The following ELF1 variants were observed in gnomAD, a reference collection of about 807,000 sequenced individuals.
ELF1 encodes the protein E74 like ETS transcription factor 1, also known as ETS-related transcription factor Elf-1.
A neutral mutation model predicts 59.9 loss-of-function variants in ELF1; 24 were observed. The ratio of observed to expected loss-of-function variants is 0.40; its 90% confidence interval spans 0.29 to 0.56. The LOEUF is 0.56. Ranked by LOEUF, ELF1 falls within the 20% of genes least tolerant of loss-of-function variation. The pLI, the probability that ELF1 is intolerant of heterozygous loss-of-function variation, is 0.44. For synonymous variants in ELF1, 248 were observed against 266.2 expected (o/e 0.93, Z 0.67); for missense variants, 627 against 742.2 (o/e 0.84, Z 1.80).
At chr13:41,044,660 G>A (rs1192453869) in intron 1 of ELF1, among the ~76,000 whole-genome samples, 1 of 152,172 alleles carries the variant, frequency 6.6e-6, no homozygotes, top group African/African-American at 2.4e-5. Flanking sequence ...GATCATGGTG[G>A]ATAAGCTTTT....
chr13:41,003,175 A>G (rs762599905), intron 1 of ELF1, among the ~76,000 whole-genome samples: 1 of 152,198 alleles, frequency 6.6e-6, no homozygotes, highest in Non-Finnish European at 1.5e-5. Flanking sequence ...AGTGACGTAC[A>G]TATATGTATT....
chr13:40,982,924 A>C, intron 1 of ELF1: 7 of 968,100 alleles, frequency 7.2e-6, no homozygotes, highest in Non-Finnish European at 8.6e-6. Context: ...TCTCTAGTAT[A>C]GGCTTGCAAG....
intron 2 of ELF1, among the ~76,000 whole-genome samples, chr13:40,966,913 T>G (rs1275419325): frequency 1.3e-5 from 2 of 152,238 alleles, no homozygotes; most frequent in African/African-American, 4.8e-5. Flanking sequence ...GAGCACACCT[T>G]CGAGTAGTTC....
chr13:41,004,824 C>T (rs1346108733), intron 1 of ELF1, among the ~76,000 whole-genome samples: 1 of 152,050 alleles, frequency 6.6e-6, no homozygotes, highest in Non-Finnish European at 1.5e-5. Flanking sequence ...ATATATGTTC[C>T]TATTAGGTGC....
At chr13:41,010,539 T>TAGC (rs1875003200) in intron 1 of ELF1, among the ~76,000 whole-genome samples, 1 of 149,118 alleles carries the variant, frequency 6.7e-6, no homozygotes, top group Non-Finnish European at 1.5e-5. Flanking sequence ...AGATCACATG[T>TAGC]AGCACATCGA....
At position 41,036,464 on chromosome 13, in the gene ELF1, A is replaced by C. The variant is rs1264527374; in HGVS notation, c.-229+24374T>G. 2.6e-5 allele frequency among the ~76,000 whole-genome samples: 4 copies of C among 152,142 alleles called. No homozygotes were observed. In the East Asian group the frequency reaches 7.7e-4, roughly 29 times the overall value. ...TCATTGACACAAATGACACTTTAAA[A>C]CTTAAAAGTGGAGAAATAGGAACAC... On this transcript the variant is annotated intron_variant, in intron 1 of 1. Transcript: ENST00000405737.
Position 40,951,361 on chromosome 13 carries a change from G to A in ELF1, c.329C>T (p.Ser110Phe). Residue 110 changes from serine (S) to phenylalanine (F), a missense_variant, in exon 4 of 9, where the codon TCC (serine) becomes TTC (phenylalanine). Physicochemically the swap from Ser to Phe is radical, Grantham distance 155. This residue lies in a region of ELF1 where 232 missense variants were observed against 269.2 expected (regional missense o/e 0.86). Coordinates refer to ENST00000239882, the MANE Select transcript of ELF1 (RefSeq NM_172373.4). ...EAAEALLNMD[S>F]PGPMLDEKRI... ...TTTTTCATCCAGCATAGGGCCAGGG[G>A]AATCCATATTGAGGAGTGCCTCAGC... 6.2e-7 allele frequency: 1 copy of A among 1,613,228 alleles called. No individual in the cohort carries two copies. Among genetic ancestry groups the A allele is most frequent in the South Asian group, 1.1e-5 (1 of 90,996 alleles).
intron 1 of ELF1, among the ~76,000 whole-genome samples, chr13:40,994,816 T>C (rs1385119524): frequency 6.6e-6 from 1 of 152,220 alleles, no homozygotes; most frequent in African/African-American, 2.4e-5. Context: ...AAGTAAACTG[T>C]TTCATTTCTG....
At chr13:40,980,621 A>G (rs1873202618) in intron 2 of ELF1, among the ~76,000 whole-genome samples, 1 of 152,152 alleles carries the variant, frequency 6.6e-6, no homozygotes, top group Admixed American at 6.6e-5. Context: ...AGAGCATATT[A>G]GTGAGTGGCT....
At chr13:40,973,710 A>G (rs549985685) in intron 2 of ELF1, among the ~76,000 whole-genome samples, 2 of 152,046 alleles carry the variant, frequency 1.3e-5, no homozygotes, top group East Asian at 3.9e-4. Flanking sequence ...GACGTTGCCA[A>G]CTCTATTTCT....
At chr13:41,014,778 T>C (rs780876380) in intron 1 of ELF1, among the ~76,000 whole-genome samples, 2 of 152,176 alleles carry the variant, frequency 1.3e-5, no homozygotes, top group Non-Finnish European at 2.9e-5. Context: ...AGGGGAATTT[T>C]CTTCTCATTT....
chr13:41,043,633 T>C (rs1323185202), intron 1 of ELF1, among the ~76,000 whole-genome samples: 2 of 152,246 alleles, frequency 1.3e-5, no homozygotes, highest in Non-Finnish European at 2.9e-5. Context: ...GTGTTATTTC[T>C]GAGGGCTCTG....
rs185229673 is a variant in ELF1 at position 40,954,252 on chromosome 13, A to T, written c.254-2816T>A. ...ATGCTTTGTTAAAAAAAAGGGAGTGATATGGCTTGGATTTGTCCCCGCTCC... is the reference window on the plus strand; with the variant it reads ...ATGCTTTGTTAAAAAAAAGGGAGTGTTATGGCTTGGATTTGTCCCCGCTCC... On this transcript the variant is annotated intron_variant, in intron 3 of 8. Coordinates refer to ENST00000239882, the MANE Select transcript of ELF1 (RefSeq NM_172373.4). Among the ~76,000 whole-genome samples the T allele has an allele frequency of 1.1e-4, 16 of 152,310 alleles. No homozygotes were observed. In the East Asian group the frequency reaches 3.1e-3, roughly 29 times the overall value.
upstream of ELF1, among the ~76,000 whole-genome samples, chr13:41,023,673 T>C (rs1474930391): frequency 6.6e-6 from 1 of 152,244 alleles, no homozygotes; most frequent in African/African-American, 2.4e-5. Flanking sequence ...TTCCCACTTC[T>C]GCACGGACAG....
intron 1 of ELF1, among the ~76,000 whole-genome samples, chr13:41,039,650 G>GT (rs1876528854): frequency 2.0e-5 from 3 of 152,110 alleles, no homozygotes; most frequent in African/African-American, 7.2e-5. Context: ...TTCTAAGACA[G>GT]TTTTTTATCT....
intron 2 of ELF1, among the ~76,000 whole-genome samples, chr13:40,963,995 G>A (rs1466032489): frequency 2.0e-5 from 3 of 151,930 alleles, no homozygotes; most frequent in Non-Finnish European, 4.4e-5. Flanking sequence ...ACACCTCTCA[G>A]GTGACTAGAA....
chr13:41,041,557 C>A (rs1356794930), intron 1 of ELF1, among the ~76,000 whole-genome samples: 4 of 152,078 alleles, frequency 2.6e-5, no homozygotes, highest in Non-Finnish European at 4.4e-5. Context: ...CACCTGTAGT[C>A]CCACCTACTT....
At position 41,037,121 on chromosome 13, in the gene ELF1, T is replaced by A. The variant is rs563730988; in HGVS notation, c.-229+23717A>T. The stretch of plus-strand genomic sequence containing the variant: ...AGTATAATAAAATATATATATATAT[T>A]AAAAAAAACCTTAAAAGTATTTTAG... On this transcript the variant is annotated intron_variant, in intron 1 of 1. Transcript: ENST00000405737. 2.0e-5 allele frequency among the ~76,000 whole-genome samples: 3 copies of A among 151,464 alleles called. No homozygotes were observed. In the South Asian group the frequency reaches 6.2e-4, roughly 31 times the overall value.
At chr13:40,974,692 C>T (rs1342848203) in intron 2 of ELF1, among the ~76,000 whole-genome samples, 1 of 152,082 alleles carries the variant, frequency 6.6e-6, no homozygotes, top group Non-Finnish European at 1.5e-5. Flanking sequence ...TATCCCTGGG[C>T]CTCTGTGGGA....
Sources: gnomAD v4.1 joint callset for allele counts (sites outside exome capture counted in the v4.1 genomes callset) on GRCh38, gnomAD v4.1.1 for gene constraint, gnomAD v4.1.1 regional missense constraint, MANE v1.5 for transcripts, NCBI Gene and HGNC (gene_info 2026-07-23, HGNC 2026-07-21) for gene names.